The following CDKL4 variants were observed in gnomAD, a reference collection of about 807,000 sequenced individuals.
CDKL4 encodes cyclin dependent kinase like 4.
A neutral mutation model predicts 42.0 loss-of-function variants in CDKL4; 44 were observed. That is an observed-to-expected ratio of 1.05 (90% CI 0.82 to 1.35). CDKL4 has a LOEUF of 1.35. Among genes scored for constraint, CDKL4 ranks in the 40% most tolerant of loss-of-function variants. The pLI, the probability that CDKL4 is intolerant of heterozygous loss-of-function variation, is 0.00. For synonymous variants in CDKL4, 120 were observed against 121.6 expected (o/e 0.99, Z 0.09); for missense variants, 393 against 369.9 (o/e 1.06, Z -0.51).
chr2:39,195,150 C>A (rs1676434393), intron 5 of CDKL4, among the ~76,000 whole-genome samples: 1 of 152,158 alleles, frequency 6.6e-6, no homozygotes, highest in Non-Finnish European at 1.5e-5. Context: ...AATTTCATTT[C>A]TTTTTGAGTA....
rs1243638495 is a variant in CDKL4 at position 39,184,567 on chromosome 2, G to C, written c.792+24C>G. 10 of 1,557,560 alleles carry C rather than the reference G, an allele frequency of 6.4e-6. No homozygotes were observed. The African/African-American group carries it at 6.8e-5, about 11-fold the overall frequency. ...AGTCATTACAATTTATAGCTAATAA[G>C]AGTTATAATTGATTCTTAAGTACCT... On this transcript the variant is annotated intron_variant, in intron 8 of 9. Transcript: ENST00000451199.
chr2:39,233,083 A>G (rs1679169170), intron 1 of CDKL4, among the ~76,000 whole-genome samples: 1 of 144,862 alleles, frequency 6.9e-6, no homozygotes, highest in African/African-American at 2.5e-5. Flanking sequence ...AAAGAAAAAG[A>G]AAAGAAAAGC....
intron 7 of CDKL4, among the ~76,000 whole-genome samples, chr2:39,185,144 A>G (rs1428039321): frequency 6.5e-5 from 9 of 138,142 alleles, no homozygotes; most frequent in African/African-American, 1.6e-4. Flanking sequence ...ATACATATAT[A>G]TGTGTATATA....
At chr2:39,240,677 T>TAAAAAAAAAAAAAAAAAA (rs768356807) in intron 1 of CDKL4, among the ~76,000 whole-genome samples, 1 of 87,928 alleles carries the variant, frequency 1.1e-5, no homozygotes, top group African/African-American at 4.4e-5. Context: ...AGATGAACAT[T>TAAAAAAAAAAAAAAAAAA]AAAAAAAAAA....
chr2:39,196,234 A>G (rs544153929), intron 5 of CDKL4, among the ~76,000 whole-genome samples: 1 of 152,316 alleles, frequency 6.6e-6, no homozygotes, highest in Admixed American at 6.5e-5. Flanking sequence ...GTGCTTAACA[A>G]AAATACAACC....
At chr2:39,210,068 A>G (rs1425470156) in intron 4 of CDKL4, among the ~76,000 whole-genome samples, 1 of 151,966 alleles carries the variant, frequency 6.6e-6, no homozygotes, top group African/African-American at 2.4e-5. Flanking sequence ...GCTCATTGTA[A>G]CCTCTGCCTC....
chr2:39,243,838 A>G (rs1679787168), intron 1 of CDKL4, among the ~76,000 whole-genome samples, 33 bp downstream of exon 1: 1 of 152,132 alleles, frequency 6.6e-6, no homozygotes, highest in South Asian at 2.1e-4. Context: ...CGCTGCCCGC[A>G]GTTCCCCCGC....
intron 1 of CDKL4, among the ~76,000 whole-genome samples, chr2:39,234,610 G>A (rs986358115): frequency 6.6e-6 from 1 of 152,022 alleles, no homozygotes; most frequent in Non-Finnish European, 1.5e-5. Flanking sequence ...TATTGAAAAG[G>A]CCCATTAGGT....
In CDKL4 at chr2:39,196,768, C is replaced by T. The variant is rs538736322; in HGVS notation, c.455-6266G>A. ...GACTACACGTACGTGCTGCCACGCC[C>T]GGCTAATTTTTGAATTTTTAGTACA... On this transcript the variant is annotated intron_variant, in intron 5 of 9. Coordinates refer to ENST00000451199, the Ensembl canonical transcript of CDKL4. Among the ~76,000 whole-genome samples the T allele has an allele frequency of 2.2e-4, 34 of 152,228 alleles. No individual in the cohort carries two copies. In the South Asian group the frequency reaches 4.6e-3, roughly 20 times the overall value.
At position 39,188,560 on chromosome 2, in the gene CDKL4, C is replaced by CAAAAA. The variant is rs34568815; in HGVS notation, c.653-856_653-852dup. On this transcript the variant is annotated intron_variant, in intron 6 of 9. Coordinates refer to ENST00000451199, the Ensembl canonical transcript of CDKL4. ...CTGGCAACAGAGTGACAGTCCGTCT[C>CAAAAA]AAAAAAAAAAAAAAAAAAAAAAAAA... 1.3e-3 allele frequency among the ~76,000 whole-genome samples: 61 copies of CAAAAA among 45,274 alleles called. 1 individual carries two copies. Among genetic ancestry groups the CAAAAA allele is most frequent in the African/African-American group, 4.5e-3 (36 of 8,046 alleles). The allele number at this position is 45,274 out of a possible 152,430, so 29.7% of individuals were successfully genotyped here.
chr2:39,238,180 C>T (rs1020284093), intron 1 of CDKL4, among the ~76,000 whole-genome samples: 1 of 152,166 alleles, frequency 6.6e-6, no homozygotes, highest in Non-Finnish European at 1.5e-5. Flanking sequence ...CCTGTAATCC[C>T]AGCTCTTTGG....
chr2:39,227,908 G>T (rs1210845248), intron 2 of CDKL4, among the ~76,000 whole-genome samples: 1 of 152,182 alleles, frequency 6.6e-6, no homozygotes, highest in Non-Finnish European at 1.5e-5. Flanking sequence ...AGGACAGAGA[G>T]GCAAGCAATT....
chr2:39,172,320 GAAA>G (rs112274317), downstream of CDKL4, among the ~76,000 whole-genome samples: 1 of 132,200 alleles, frequency 7.6e-6, no homozygotes. Flanking sequence ...TCCCCGCTCC[GAAA>G]AAAAAAAAAG....
intron 3 of CDKL4, 139 bp downstream of exon 3, chr2:39,225,700 C>T: frequency 1.3e-6 from 1 of 765,282 alleles, no homozygotes; most frequent in Non-Finnish European, 2.0e-6. Flanking sequence ...TGAAGACATC[C>T]TGAGACTGGA....
chr2:39,197,687 C>T, intron 5 of CDKL4, among the ~76,000 whole-genome samples: 1 of 152,172 alleles, frequency 6.6e-6, no homozygotes, highest in East Asian at 1.9e-4. Context: ...CTATCTTTAG[C>T]CTCCTTAAAC....
At chr2:39,169,083 A>G in the CDKL4 span, among the ~76,000 whole-genome samples, 2 of 152,190 alleles carry the variant, frequency 1.3e-5, no homozygotes, top group African/African-American at 4.8e-5. Context: ...ACAAAAATGT[A>G]CACAATTCAG....
chr2:39,196,870 G>C (rs1676547426), intron 5 of CDKL4, among the ~76,000 whole-genome samples: 1 of 152,208 alleles, frequency 6.6e-6, no homozygotes, highest in African/African-American at 2.4e-5. Context: ...GCCTCCCAAA[G>C]TGTTGGGATT....
At chr2:39,180,709 G>A (rs1167110473) in intron 8 of CDKL4, among the ~76,000 whole-genome samples, 1 of 39,620 alleles carries the variant, frequency 2.5e-5, no homozygotes, top group East Asian at 8.2e-4. Flanking sequence ...TTTTTTTTTT[G>A]AGACAAAGTC....
intron 3 of CDKL4, among the ~76,000 whole-genome samples, chr2:39,223,350 T>C (rs1257197647): frequency 1.3e-5 from 2 of 152,132 alleles, no homozygotes; most frequent in Non-Finnish European, 2.9e-5. Flanking sequence ...TGAAAACAGT[T>C]AAAATTTTTT....
Sources: allele counts gnomAD v4.1 joint callset (sites outside exome capture counted in the v4.1 genomes callset), GRCh38; gene constraint gnomAD v4.1.1; transcripts MANE v1.5; gene names NCBI Gene and HGNC (gene_info 2026-07-23, HGNC 2026-07-21).